Variants in MAML3 observed in about 807,000 individuals in gnomAD.
MAML3 encodes mastermind like transcriptional coactivator 3, also known as mastermind-like protein 3.
Under a neutral mutation model 101.9 loss-of-function variants are expected in MAML3, and 27 were observed. That is an observed-to-expected ratio of 0.27 (90% CI 0.20 to 0.37). MAML3 has a LOEUF of 0.37. MAML3 is among the 10% of genes least tolerant of loss of function. MAML3 has a pLI of 1.00. For missense variants in MAML3, 1,316 were observed against 1,444.9 expected, an observed-to-expected ratio of 0.91 and a Z score of 1.45; for synonymous variants, 501 against 555.9, an observed-to-expected ratio of 0.90 and a Z score of 1.39.
At chr4:139,822,508 T>C (rs897765850) in intron 2 of MAML3, among the ~76,000 whole-genome samples, 1 of 152,178 alleles carries the variant, frequency 6.6e-6, no homozygotes, top group Admixed American at 6.5e-5. Flanking sequence ...AGTCCCCTTA[T>C]TGGCGCTAGA....
At chr4:139,791,394 G>A (rs1219013385) in intron 2 of MAML3, among the ~76,000 whole-genome samples, 1 of 151,550 alleles carries the variant, frequency 6.6e-6, no homozygotes, top group African/African-American at 2.4e-5. Flanking sequence ...CTACTCTCGG[G>A]AGGCTGAAGT....
Position 139,890,372 on chromosome 4 carries a change from G to T in MAML3, c.1064C>A (p.Ala355Glu), listed in dbSNP as rs779621420. The stretch of plus-strand genomic sequence containing the variant: ...GTGAGAGGGGTCGCTCTTCACGCTC[G>T]CACTCTCCTGGGAGAGAGGGGTCTC... Reference protein sequence around the residue: ...ATETPLSQESASVKSDPSHSP... With the variant: ...ATETPLSQESESVKSDPSHSP... Residue 355 changes from alanine (A) to glutamate (E), a missense_variant, in exon 2 of 5, where the codon GCG (alanine) becomes GAG (glutamate). Transcript: ENST00000509479. This position sits in a 1 kb window ranked among gnomAD's most constrained non-coding sequence, Gnocchi z 4.1. The T allele has an allele frequency of 2.5e-6, 4 of 1,602,590 alleles. No homozygotes were observed. Among genetic ancestry groups the T allele is most frequent in the Admixed American group, 1.7e-5 (1 of 59,418 alleles).
At position 139,872,637 on chromosome 4, in the gene MAML3, G is replaced by A. The variant is rs144506408; in HGVS notation, c.2079+16720C>T. Among the ~76,000 whole-genome samples, 14 of 152,266 alleles carry A rather than the reference G, an allele frequency of 9.2e-5. No homozygotes were observed. In the East Asian group the frequency reaches 1.2e-3, roughly 13 times the overall value. ...AGCATCAAAGATGTAATGCCTTTCC[G>A]GGTGAGAACTTCAGAAGGAAGGACA... On this transcript the variant is annotated intron_variant, in intron 2 of 4. Transcript: ENST00000509479.
At position 139,883,721 on chromosome 4, in the gene MAML3, G is replaced by A. The variant is rs1732266363; in HGVS notation, c.2079+5636C>T. On this transcript the variant is annotated intron_variant, in intron 2 of 4. Coordinates refer to ENST00000509479, the MANE Select transcript of MAML3 (RefSeq NM_018717.5). The stretch of plus-strand genomic sequence containing the variant: ...GCAAGCAGAAATTAAGAGTGGCGTG[G>A]GTGAGGCAGGAGACTACTGTTTCTC... 4.6e-5 allele frequency among the ~76,000 whole-genome samples: 7 copies of A among 152,132 alleles called. No homozygotes were observed. In the South Asian group the frequency reaches 1.5e-3, roughly 32 times the overall value.
chr4:140,134,528 A>G (rs544879033), intron 1 of MAML3: 104 of 362,306 alleles, frequency 2.9e-4, no homozygotes, highest in African/African-American at 2.1e-3. Context: ...TGTAAAAACT[A>G]AAGCCTGAAA....
At chr4:139,996,414 T>C (rs1287902436) in intron 1 of MAML3, among the ~76,000 whole-genome samples, 1 of 152,144 alleles carries the variant, frequency 6.6e-6, no homozygotes, top group Non-Finnish European at 1.5e-5. Flanking sequence ...TTCAGTTCTG[T>C]GTGTTTCTGT....
chr4:139,890,262 T>C lies in MAML3; in HGVS notation c.1174A>G (p.Thr392Ala), dbSNP rs777006986. Residue 392 changes from threonine (T) to alanine (A), a missense_variant, in exon 2 of 5, where the codon ACT becomes GCT. Physicochemically the swap from Thr to Ala is moderately conservative, Grantham distance 58. Coordinates refer to ENST00000509479, the MANE Select transcript of MAML3 (RefSeq NM_018717.5). This position sits in a 1 kb window ranked among gnomAD's most constrained non-coding sequence, Gnocchi z 4.1. ...GTGCTGGCAACAGAAGGTAAACTAG[T>C]GGCCGTGGAGACAGTAGAAAAGGGA... ...GPPFSTVSTA[T>A]SLPSVASTPA... The C allele has an allele frequency of 2.5e-6, 4 of 1,613,746 alleles. No homozygotes were observed. The East Asian group carries it at 8.9e-5, about 36-fold the overall frequency.
intron 1 of MAML3, among the ~76,000 whole-genome samples, chr4:140,051,856 C>T (rs909524935): frequency 3.3e-5 from 5 of 152,090 alleles, no homozygotes; most frequent in Admixed American, 6.5e-5. Context: ...GTGGAGGCGC[C>T]GGGATAAGAA....
intron 1 of MAML3, among the ~76,000 whole-genome samples, chr4:140,026,608 C>T (rs913135675): frequency 6.6e-6 from 1 of 152,102 alleles, no homozygotes; most frequent in Non-Finnish European, 1.5e-5. Flanking sequence ...AAACATTGAA[C>T]AAATTAGTTG....
At chr4:140,047,143 A>G (rs1311684167) in intron 1 of MAML3, among the ~76,000 whole-genome samples, 1 of 152,108 alleles carries the variant, frequency 6.6e-6, no homozygotes, top group Non-Finnish European at 1.5e-5. Context: ...CAGGGGAGAA[A>G]CGGTCTGGAA....
chr4:140,072,540 C>A (rs187398002), intron 1 of MAML3, among the ~76,000 whole-genome samples: 1 of 151,934 alleles, frequency 6.6e-6, no homozygotes, highest in African/African-American at 2.4e-5. Context: ...CATGGTGGCG[C>A]GTGCCTGTAA....
intron 1 of MAML3, among the ~76,000 whole-genome samples, chr4:139,976,117 G>A (rs1016897499): frequency 5.3e-5 from 8 of 152,178 alleles, no homozygotes; most frequent in African/African-American, 1.9e-4. Flanking sequence ...AATGTGTAAC[G>A]TGCCATACTT....
chr4:139,732,952 C>T (rs1363856079), intron 2 of MAML3, among the ~76,000 whole-genome samples: 1 of 152,190 alleles, frequency 6.6e-6, no homozygotes, highest in Non-Finnish European at 1.5e-5. Flanking sequence ...ATAAAAAGAT[C>T]TTACACTAAA....
chr4:139,978,681 C>T (rs1053154619), intron 1 of MAML3, among the ~76,000 whole-genome samples: 3 of 151,664 alleles, frequency 2.0e-5, no homozygotes, highest in Non-Finnish European at 2.9e-5. Flanking sequence ...CCTTCAGGGG[C>T]TCCAATCTGG....
At chr4:139,802,191 C>T (rs929120784) in intron 2 of MAML3, among the ~76,000 whole-genome samples, 6 of 152,060 alleles carry the variant, frequency 3.9e-5, no homozygotes, top group African/African-American at 1.4e-4. Flanking sequence ...GGCTGGATAG[C>T]CTGAAGATAT....
intron 2 of MAML3, among the ~76,000 whole-genome samples, chr4:139,809,871 C>CACACACACACACACACACACGT (rs1267463341): frequency 1.7e-4 from 26 of 149,656 alleles, no homozygotes; most frequent in African/African-American, 6.3e-4. Flanking sequence ...CACGTACACA[C>CACACACACACACACACACACGT]ACACACACAC....
At chr4:139,780,539 T>C (rs150911714) in intron 2 of MAML3, among the ~76,000 whole-genome samples, 6 of 152,302 alleles carry the variant, frequency 3.9e-5, no homozygotes, top group Admixed American at 6.5e-5. Flanking sequence ...CTTTTCATTG[T>C]TTCTCCTGAG....
chr4:139,884,174 G>A (rs1967286), intron 2 of MAML3, among the ~76,000 whole-genome samples: 152,278 of 152,284 alleles, frequency 1, 76,136 homozygotes, highest in Middle Eastern at 1. Context: ...GTGAGCCACG[G>A]CGCCTGGCTG....
At chr4:139,903,179 C>T (rs1411172490) in intron 1 of MAML3, among the ~76,000 whole-genome samples, 1 of 152,154 alleles carries the variant, frequency 6.6e-6, no homozygotes, top group African/African-American at 2.4e-5. Flanking sequence ...TTAGAAATGG[C>T]GTCTTGTTCT....
Sources: gnomAD v4.1 joint callset for allele counts (sites outside exome capture counted in the v4.1 genomes callset) on GRCh38, gnomAD v4.1.1 for gene constraint, Gnocchi (gnomAD v3.1) non-coding constraint, MANE v1.5 for transcripts, NCBI Gene and HGNC (gene_info 2026-07-23, HGNC 2026-07-21) for gene names.